Variants in TRIP12 observed in about 807,000 individuals in gnomAD.
TRIP12 encodes the protein thyroid hormone receptor interactor 12.
A neutral mutation model predicts 244.2 loss-of-function variants in TRIP12; 25 were observed. The ratio of observed to expected loss-of-function variants is 0.10; its 90% CI spans 0.07 to 0.14. The LOEUF (loss-of-function observed/expected upper bound fraction) is 0.14, where lower values mean the gene tolerates loss of function less well. Among genes scored for constraint, TRIP12 ranks in the 10% least tolerant of loss-of-function variants. The probability of loss-of-function intolerance (pLI) is 1.00; values close to 1 mark genes in which losing one functional copy is unlikely to be tolerated. For missense variants in TRIP12, 1,677 were observed against 2,486.4 expected (o/e 0.67, Z 6.92); for synonymous variants, 905 against 873.1 (o/e 1.04, Z -0.64).
At chr2:229,795,071 A>T in intron 26 of TRIP12, 108 bp downstream of exon 26, 1 of 1,302,324 alleles carries the variant, frequency 7.7e-7, no homozygotes, top group Non-Finnish European at 1.0e-6. Context: ...TTACAGCTGA[A>T]TGTTTTCTGG....
intron 20 of TRIP12, among the ~76,000 whole-genome samples, 188 bp from the exon 21 acceptor site, chr2:229,802,647 A>C (rs181597848): frequency 1.3e-5 from 2 of 152,360 alleles, no homozygotes; most frequent in Admixed American, 1.3e-4. Context: ...AAAAATATAA[A>C]AACTAAAGGT....
At chr2:229,913,163 T>C (rs1047043591) in intron 1 of TRIP12, among the ~76,000 whole-genome samples, 2 of 152,210 alleles carry the variant, frequency 1.3e-5, no homozygotes, top group African/African-American at 2.4e-5. Flanking sequence ...TATTTGTAAA[T>C]GAAGATGCTT....
Position 229,879,854 on chromosome 2 carries a change from C to T in TRIP12, c.98+128G>A, listed in dbSNP as rs479492. 0.99 allele frequency: 1,037,527 copies of T among 1,043,252 alleles called. 516,126 individuals are homozygous for T. Among genetic ancestry groups the T allele is most frequent in the East Asian group, 1 (39,724 of 39,724 alleles). The allele number at this position is 1,043,252 out of a possible 1,614,324, so 64.6% of individuals were successfully genotyped here. ...TGGATTCCAGTTTGCTTTTAAGTAC[C>T]TGGCTCACAAATCAGGAAAAATTAC... On this transcript the variant is annotated intron_variant, in intron 2 of 41. Transcript: ENST00000675903.
chr2:229,810,386 T>C (rs1423676770), intron 15 of TRIP12, among the ~76,000 whole-genome samples: 1 of 152,206 alleles, frequency 6.6e-6, no homozygotes, highest in Non-Finnish European at 1.5e-5. Flanking sequence ...AAGGTTTAAT[T>C]TGAAAGGTCT....
At chr2:229,841,838 G>A (rs976272566) in intron 4 of TRIP12, among the ~76,000 whole-genome samples, 1 of 152,128 alleles carries the variant, frequency 6.6e-6, no homozygotes, top group Non-Finnish European at 1.5e-5. Flanking sequence ...TTGCTTTAAA[G>A]GGGAAAAACA....
At chr2:229,818,798 T>C (rs903671005) in intron 8 of TRIP12, among the ~76,000 whole-genome samples, 3 of 152,204 alleles carry the variant, frequency 2.0e-5, no homozygotes, top group African/African-American at 4.8e-5. Flanking sequence ...AAGACCAGTA[T>C]GAACTGATAG....
chr2:229,831,515 C>CT (rs2053361289), intron 6 of TRIP12, among the ~76,000 whole-genome samples: 1 of 152,180 alleles, frequency 6.6e-6, no homozygotes, highest in Non-Finnish European at 1.5e-5. Flanking sequence ...GTCCCAGCTA[C>CT]TGAGTTGGGC....
chr2:229,872,574 AAAG>A (rs2062859554), intron 2 of TRIP12, among the ~76,000 whole-genome samples: 1 of 152,196 alleles, frequency 6.6e-6, no homozygotes, highest in African/African-American at 2.4e-5. Flanking sequence ...CAAAAAAAAT[AAAG>A]AAAAAGATGC....
At chr2:229,847,053 T>A (rs936901848) in intron 4 of TRIP12, among the ~76,000 whole-genome samples, 1 of 152,232 alleles carries the variant, frequency 6.6e-6, no homozygotes. Context: ...TGGGAATTCA[T>A]GTATTTCTAA....
intron 1 of TRIP12, among the ~76,000 whole-genome samples, chr2:229,903,904 G>GCA (rs2071851955): frequency 6.6e-6 from 1 of 151,154 alleles, no homozygotes; most frequent in South Asian, 2.1e-4. Context: ...GCATCGTGAT[G>GCA]CACGCCTATA....
intron 8 of TRIP12, among the ~76,000 whole-genome samples, chr2:229,823,526 A>T (rs1479665851): frequency 6.6e-6 from 1 of 152,010 alleles, no homozygotes; most frequent in African/African-American, 2.4e-5. Flanking sequence ...TAAAAAAAAA[A>T]TTAGCCAGGT....
chr2:229,825,999 A>C (rs1362929229), intron 8 of TRIP12, among the ~76,000 whole-genome samples: 3 of 152,214 alleles, frequency 2.0e-5, no homozygotes, highest in African/African-American at 7.2e-5. Context: ...TTAAAAAGCA[A>C]AACAAAAATA....
At chr2:229,812,606 G>A (rs1402662828) in intron 13 of TRIP12, among the ~76,000 whole-genome samples, 1 of 152,088 alleles carries the variant, frequency 6.6e-6, no homozygotes, top group Non-Finnish European at 1.5e-5. Context: ...AGGAGTTTGA[G>A]ACCAGCCTGG....
chr2:229,833,580 A>G (rs376189806), intron 6 of TRIP12, among the ~76,000 whole-genome samples: 1 of 152,122 alleles, frequency 6.6e-6, no homozygotes, highest in Non-Finnish European at 1.5e-5. Context: ...AGCTACTGCC[A>G]GAAGTCTGAT....
chr2:229,883,711 T>C (rs997747965), intron 1 of TRIP12, among the ~76,000 whole-genome samples: 2 of 152,214 alleles, frequency 1.3e-5, no homozygotes, highest in African/African-American at 4.8e-5. Flanking sequence ...AAAAGGCTAA[T>C]GGATGTCTTC....
At chr2:229,799,604 A>G (rs1021203766) in intron 21 of TRIP12, among the ~76,000 whole-genome samples, 3 of 152,020 alleles carry the variant, frequency 2.0e-5, no homozygotes, top group Non-Finnish European at 4.4e-5. Context: ...GTGAAACCCC[A>G]TCTCTACTAA....
chr2:229,779,123 T>C (rs1377937497), intron 34 of TRIP12, 133 bp from the exon 35 acceptor site: 1 of 712,060 alleles, frequency 1.4e-6, no homozygotes, highest in Admixed American at 2.7e-5. Flanking sequence ...CAAAATGTCC[T>C]GGCTGGATTT....
intron 18 of TRIP12, 33 bp downstream of exon 18, chr2:229,805,697 G>A (rs374922984): frequency 5.2e-5 from 80 of 1,525,346 alleles, no homozygotes; most frequent in Non-Finnish European, 6.3e-5. Flanking sequence ...TTGCACAATA[G>A]TATAGTGCTA....
intron 8 of TRIP12, among the ~76,000 whole-genome samples, chr2:229,828,797 A>G (rs1239386434): frequency 6.6e-6 from 1 of 152,106 alleles, no homozygotes; most frequent in Non-Finnish European, 1.5e-5. Context: ...AAAAGTACAC[A>G]TGAAAACCAA....
Sources: gnomAD v4.1 joint callset for allele counts (sites outside exome capture counted in the v4.1 genomes callset) on GRCh38, gnomAD v4.1.1 for gene constraint, MANE v1.5 for transcripts, NCBI Gene and HGNC (gene_info 2026-07-23, HGNC 2026-07-21) for gene names.